The following SIGIRR variants were observed in gnomAD, a reference collection of about 807,000 sequenced individuals.
SIGIRR encodes the protein single Ig IL-1-related receptor.
Under a neutral mutation model 45.6 loss-of-function variants are expected in SIGIRR, and 41 were observed. That is an observed-to-expected ratio of 0.90 (90% confidence interval 0.70 to 1.17). The LOEUF (loss-of-function observed/expected upper bound fraction) is 1.17, where lower values mean the gene tolerates loss of function less well. SIGIRR is among the 50% of genes most tolerant of loss of function. The probability of loss-of-function intolerance (pLI) is 0.00; values close to 1 mark genes in which losing one functional copy is unlikely to be tolerated. For synonymous variants in SIGIRR, 298 were observed against 239.0 expected (o/e 1.25, Z -2.28); for missense variants, 599 against 539.6 (o/e 1.11, Z -1.09).
In SIGIRR at chr11:405,988, G is replaced by GCT. The variant is rs1847274008; in HGVS notation, c.1140_1141insAG (p.Arg381SerfsTer86). On this transcript the variant is annotated frameshift_variant, in exon 10 of 10. Transcript: ENST00000431843. LOFTEE classifies it high-confidence loss of function. ...TCCGAGACGTCCACTTCGCTGCTCC[G>GCT]GCTCTCTCCCAGCGAGACCCCACTG... 1.2e-6 allele frequency: 2 copies of GCT among 1,611,950 alleles called. No homozygotes were observed. Among genetic ancestry groups the GCT allele is most frequent in the Non-Finnish European group, 1.7e-6 (2 of 1,179,584 alleles).
chr11:409,802 G>T, intron 2 of SIGIRR, 66 bp downstream of exon 2: 1 of 1,363,470 alleles, frequency 7.3e-7, no homozygotes, highest in Non-Finnish European at 9.5e-7. Context: ...GCACAATGTG[G>T]AGCCAGCCTG....
intron 1 of SIGIRR, among the ~76,000 whole-genome samples, chr11:414,193 C>T (rs1847809691): frequency 1.0e-5 from 1 of 97,250 alleles, no homozygotes; most frequent in Non-Finnish European, 2.1e-5. Context: ...ACACCTTCCC[C>T]TGCACCCTCT....
At position 406,477 on chromosome 11, in the gene SIGIRR, C is replaced by G; in HGVS notation, c.941G>C (p.Arg314Thr). 1 of 1,612,396 alleles carries G rather than the reference C, an allele frequency of 6.2e-7. No homozygotes were observed. Among genetic ancestry groups the G allele is most frequent in the East Asian group, 2.2e-5 (1 of 44,872 alleles). Residue 314 changes from arginine to threonine, a missense_variant, in exon 9 of 10, where the codon AGG (arginine) becomes ACG (threonine). Coordinates refer to ENST00000431843, the MANE Select transcript of SIGIRR (RefSeq NM_001135054.2). ...CGTCTGGGGGTCTCCTTCCACAGGCCTGTACTGCACCTTCCGCGGCAGCGC... is the reference window on the plus strand; with the variant it reads ...CGTCTGGGGGTCTCCTTCCACAGGCGTGTACTGCACCTTCCGCGGCAGCGC... ...QLALPRKVQY[R>T]PVEGDPQTQL...
chr11:408,841 C>T lies in SIGIRR; in HGVS notation c.60G>A (p.Leu20=). ...DFLSPSEDQV[L]RPALGSSVAL... ...CCACTGAGCTGCCCAAGGCAGGCCT[C>T]AGCACCTGGTCTTCAGACGGGGAGA... is the stretch of plus-strand genomic sequence containing the variant. Residue 20 remains leucine (L), a synonymous_variant, in exon 3 of 10, where the codon CTG becomes CTA. Transcript: ENST00000431843. The T allele has an allele frequency of 1.2e-6, 2 of 1,612,788 alleles. No homozygotes were observed. The highest frequency in any genetic ancestry group is 8.5e-7 in the Non-Finnish European group (1 of 1,179,990).
chr11:414,401 C>A (rs927506550), intron 1 of SIGIRR, among the ~76,000 whole-genome samples: 9 of 150,930 alleles, frequency 6.0e-5, no homozygotes, highest in African/African-American at 2.2e-4. Flanking sequence ...GCACCCTCTC[C>A]TCTGCCCCTC....
In SIGIRR at chr11:409,224, C is replaced by T. The variant is rs574804958; in HGVS notation, c.8-331G>A. On this transcript the variant is annotated intron_variant, in intron 2 of 9. Coordinates refer to ENST00000431843, the MANE Select transcript of SIGIRR (RefSeq NM_001135054.2). ...CCCATTTCCCAGATGCACCTGTTGC[C>T]CACCCCTGGTGACACCATGATGCCT... 57 of 469,454 alleles carry T rather than the reference C, an allele frequency of 1.2e-4. No individual in the cohort carries two copies. In the East Asian group the frequency reaches 2.6e-3, roughly 22 times the overall value. The allele number at this position is 469,454 out of a possible 1,614,324, so 29.1% of individuals were successfully genotyped here. A position where few individuals can be genotyped will look rare whatever the true frequency, so the allele number is the denominator to read the frequency against.
chr11:407,121 G>GCTAT lies in SIGIRR; in HGVS notation c.668_669insATAG (p.Leu224Ter). 5 of 1,529,666 alleles carry GCTAT rather than the reference G, an allele frequency of 3.3e-6. No homozygotes were observed. The highest frequency in any genetic ancestry group is 3.9e-5 in the Admixed American group (2 of 51,054). 94.8% of individuals were successfully genotyped at this position (1,529,666 alleles called of 1,614,324 possible). ...AGGCGTCCGAAAGCACCACGATGAGGCGTCGGCAGCGGCTCAGGTTCACCA... is the reference window on the plus strand; with the variant it reads ...AGGCGTCCGAAAGCACCACGATGAGGCTATCGTCGGCAGCGGCTCAGGTTCACCA... On this transcript the variant is annotated stop_gained and frameshift_variant, in exon 7 of 10. Transcript: ENST00000431843. LOFTEE classifies it high-confidence loss of function.
chr11:417,194 C>G (rs1334951848), upstream of SIGIRR: 1 of 152,316 alleles, frequency 6.6e-6, no homozygotes. This position sits in a 1 kb window ranked among gnomAD's most constrained non-coding sequence, Gnocchi z 4.2. Context: ...CTCCCCGGCC[C>G]CGAGCCATTT....
intron 1 of SIGIRR, among the ~76,000 whole-genome samples, chr11:410,619 CGGGG>C (rs35815340): frequency 3.5e-4 from 2 of 5,702 alleles, no homozygotes; most frequent in African/African-American, 9.8e-4. Context: ...TGGATGCAGT[CGGGG>C]GGGGGGGGTG....
At chr11:408,969 A>G in intron 2 of SIGIRR, 76 bp from the exon 3 acceptor site, 1 of 1,382,772 alleles carries the variant, frequency 7.2e-7, no homozygotes, top group Non-Finnish European at 1.0e-6. Flanking sequence ...TCCGTGGTGC[A>G]GGAAGAAATA....
chr11:416,754 C>A (rs1847895350), upstream of SIGIRR, among the ~76,000 whole-genome samples: 1 of 152,156 alleles, frequency 6.6e-6, no homozygotes, highest in Non-Finnish European at 1.5e-5. The surrounding 1 kb of genome is among the most constrained non-coding windows in gnomAD (Gnocchi z 9.1). Context: ...GGCTCTGGTT[C>A]GCTCCCCTAC....
rs760011228 is a variant in SIGIRR at position 406,971 on chromosome 11, C to A, written c.751G>T (p.Glu251Ter). ...ATGAAGATGGGTCTGCGGGTGAGCT[C>A]CAGCAGCCGGCACAGGCCCTCCCTG... The part of the protein sequence containing the change: ...SFREGLCRLL[E>*]LTRRPIFITF... Residue 251 changes from glutamate (E) to a stop codon, truncating the protein, a stop_gained, in exon 8 of 10, where the codon GAG becomes TAG. Transcript: ENST00000431843. LOFTEE classifies it high-confidence loss of function. 2 of 1,601,108 alleles carry A rather than the reference C, an allele frequency of 1.2e-6. No individual in the cohort carries two copies. The highest frequency in any genetic ancestry group is 4.5e-5 in the East Asian group (2 of 44,452).
At position 414,852 on chromosome 11, in the gene SIGIRR, A is replaced by G; in HGVS notation, c.-183T>C. The G allele has an allele frequency of 1.0e-6, 1 of 985,470 alleles. No individual in the cohort carries two copies. Among genetic ancestry groups the G allele is most frequent in the Non-Finnish European group, 1.2e-6 (1 of 830,018 alleles). The allele number at this position is 985,470 out of a possible 1,614,324, so 61.0% of individuals were successfully genotyped here. On this transcript the variant is annotated 5_prime_UTR_variant, in exon 1 of 10. Transcript: ENST00000431843. ...TTCCAGTTCTTTCCTCCGGGGGGCA[A>G]ATGTTGGTCATTGGTGCGCCTTTGG...
At position 407,465 on chromosome 11, in the gene SIGIRR, GT is replaced by G; in HGVS notation, c.584del (p.Tyr195SerfsTer22). On this transcript the variant is annotated frameshift_variant, in exon 6 of 10. Transcript: ENST00000431843. LOFTEE classifies it high-confidence loss of function. ...LKPQLERRRG[Y>X]KLFLDDRDLL... Reference sequence around the variant, plus strand: ...GGTCGCGGTCGTCCAGGAAGAGCTTGTAGCCCCGACGCCGCTCCAGCTGCGG... The same window carrying G: ...GGTCGCGGTCGTCCAGGAAGAGCTTGAGCCCCGACGCCGCTCCAGCTGCGG... 6.4e-7 allele frequency: 1 copy of G among 1,566,424 alleles called. No individual in the cohort carries two copies. The highest frequency in any genetic ancestry group is 8.6e-7 in the Non-Finnish European group (1 of 1,156,486).
chr11:406,415 G>A lies in SIGIRR; in HGVS notation c.1003C>T (p.Arg335Ter), dbSNP rs1042462889. Residue 335 changes from arginine (R) to a stop codon, truncating the protein, a stop_gained, in exon 9 of 10, where the codon CGA (arginine) becomes TGA (stop). Coordinates refer to ENST00000431843, the MANE Select transcript of SIGIRR (RefSeq NM_001135054.2). LOFTEE classifies it high-confidence loss of function. ...QDDKDPMLIL[R>*]GRVPEGRALD... ...GCCCGGCCCTCAGGGACTCGGCCTCGAAGAATCAGCATGGGGTCCTTGTCG... is the reference window on the plus strand; with the variant it reads ...GCCCGGCCCTCAGGGACTCGGCCTCAAAGAATCAGCATGGGGTCCTTGTCG... The A allele has an allele frequency of 1.9e-6, 3 of 1,612,626 alleles. No individual in the cohort carries two copies. The highest frequency in any genetic ancestry group is 1.3e-5 in the African/African-American group (1 of 74,946).
rs753326919 is a variant in SIGIRR at position 405,973 on chromosome 11, C to A, written c.1156G>T (p.Asp386Tyr). The A allele has an allele frequency of 3.1e-6, 5 of 1,612,376 alleles. No individual in the cohort carries two copies. Among genetic ancestry groups the A allele is most frequent in the Non-Finnish European group, 4.2e-6 (5 of 1,179,822 alleles). Residue 386 changes from aspartate to tyrosine, a missense_variant, in exon 10 of 10, where the codon GAC becomes TAC. Coordinates refer to ENST00000431843, the MANE Select transcript of SIGIRR (RefSeq NM_001135054.2). Reference protein sequence around the residue: ...SLGESRSSEVDVSDLGSRNYS... With the variant: ...SLGESRSSEVYVSDLGSRNYS... ...TTTCGCGAGCCGAGATCCGAGACGT[C>A]CACTTCGCTGCTCCGGCTCTCTCCC... is the stretch of plus-strand genomic sequence containing the variant.
At chr11:415,681 G>A (rs1847862915), upstream of SIGIRR, among the ~76,000 whole-genome samples, 2 of 152,230 alleles carry the variant, frequency 1.3e-5, no homozygotes, top group South Asian at 2.1e-4. The surrounding 1 kb of genome is among the most constrained non-coding windows in gnomAD (Gnocchi z 6.6). Flanking sequence ...TCAGGCTGGG[G>A]TGGGAGGGCA....
At chr11:416,783 C>T (rs956918897), upstream of SIGIRR, among the ~76,000 whole-genome samples, 1 of 152,160 alleles carries the variant, frequency 6.6e-6, no homozygotes, top group African/African-American at 2.4e-5. The surrounding 1 kb of genome is among the most constrained non-coding windows in gnomAD (Gnocchi z 9.1). Context: ...CACCTGCGCC[C>T]TGGGCGCCCT....
chr11:412,800 C>A (rs1305462988), intron 1 of SIGIRR, among the ~76,000 whole-genome samples: 6 of 152,222 alleles, frequency 3.9e-5, no homozygotes, highest in African/African-American at 1.4e-4. Flanking sequence ...CCTCGAAACA[C>A]CTCGGGAAAC....
Sources: allele counts gnomAD v4.1 joint callset (sites outside exome capture counted in the v4.1 genomes callset), GRCh38; gene constraint gnomAD v4.1.1; non-coding constraint Gnocchi (gnomAD v3.1); transcripts MANE v1.5; gene names NCBI Gene and HGNC (gene_info 2026-07-23, HGNC 2026-07-21).